MACROD2: variants seen among roughly 807,000 people sequenced by gnomAD.
MACROD2 encodes the protein mono-ADP ribosylhydrolase 2, also known as ADP-ribose glycohydrolase MACROD2.
In MACROD2, 36 loss-of-function variants were observed where a neutral mutation model predicts 70.4. That is an observed-to-expected ratio of 0.51 (90% confidence interval 0.39 to 0.68). The LOEUF (loss-of-function observed/expected upper bound fraction) is 0.68, where lower values mean the gene tolerates loss of function less well. MACROD2 is among the 30% of genes least tolerant of loss of function. The pLI, the probability that MACROD2 is intolerant of heterozygous loss-of-function variation, is 0.00. For synonymous variants in MACROD2, 172 were observed against 178.8 expected (o/e 0.96, Z 0.30); for missense variants, 496 against 538.4 (o/e 0.92, Z 0.78).
At chr20:14,425,403 G>T (rs1202035463) in intron 3 of MACROD2, among the ~76,000 whole-genome samples, 2 of 152,078 alleles carry the variant, frequency 1.3e-5, no homozygotes, top group Non-Finnish European at 2.9e-5. Flanking sequence ...ATATAGCTCT[G>T]TTCAGTGTTT....
chr20:15,506,551 C>T (rs2047428337), intron 8 of MACROD2, among the ~76,000 whole-genome samples: 1 of 152,110 alleles, frequency 6.6e-6, no homozygotes, highest in Non-Finnish European at 1.5e-5. Flanking sequence ...AATTGTTTGC[C>T]ACTTTTATTT....
At chr20:15,451,721 C>G (rs927819598) in intron 7 of MACROD2, among the ~76,000 whole-genome samples, 1 of 152,062 alleles carries the variant, frequency 6.6e-6, no homozygotes, top group Non-Finnish European at 1.5e-5. Context: ...ATCTGACAGC[C>G]GAATCTTTCA....
intron 2 of MACROD2, among the ~76,000 whole-genome samples, chr20:14,019,376 T>C (rs2053038644): frequency 6.6e-6 from 1 of 152,062 alleles, no homozygotes; most frequent in Non-Finnish European, 1.5e-5. Flanking sequence ...GGTTCAAGCG[T>C]TTCTCCTGTC....
chr20:15,673,523 T>G (rs1434350603), intron 8 of MACROD2, among the ~76,000 whole-genome samples: 2 of 152,166 alleles, frequency 1.3e-5, no homozygotes, highest in African/African-American at 4.8e-5. Flanking sequence ...CAAGAATCTC[T>G]ATTAAAAAAT....
chr20:15,264,243 A>C (rs538127159), intron 6 of MACROD2, among the ~76,000 whole-genome samples: 1 of 152,158 alleles, frequency 6.6e-6, no homozygotes, highest in African/African-American at 2.4e-5. Flanking sequence ...AAAATTTACT[A>C]TTTTGAGAAG....
chr20:14,539,634 G>A (rs2085406558), intron 4 of MACROD2, among the ~76,000 whole-genome samples: 1 of 152,112 alleles, frequency 6.6e-6, no homozygotes. Flanking sequence ...TTACTTCTAA[G>A]TTTCCCTAGG....
At chr20:15,175,350 G>A (rs1425414752) in intron 5 of MACROD2, among the ~76,000 whole-genome samples, 1 of 151,556 alleles carries the variant, frequency 6.6e-6, no homozygotes, top group Non-Finnish European at 1.5e-5. Flanking sequence ...AATGGGTGCA[G>A]CACACCAGCA....
rs1413370599 is a variant in MACROD2 at position 15,816,365 on chromosome 20, AC to A, written c.646-46379del. Among the ~76,000 whole-genome samples, 8 of 152,230 alleles carry A rather than the reference AC, an allele frequency of 5.3e-5. 1 individual carries two copies. The East Asian group carries it at 1.5e-3, about 29-fold the overall frequency. On this transcript the variant is annotated intron_variant, in intron 8 of 17. Transcript: ENST00000684519. ...AACCCCCAAATTGTACTGGAATCAG[AC>A]TTTTTCATTAATTCATGCAAACCAG... is the stretch of plus-strand genomic sequence containing the variant.
chr20:14,862,100 T>A (rs1405389799), intron 5 of MACROD2, among the ~76,000 whole-genome samples: 1 of 4,786 alleles, frequency 2.1e-4, no homozygotes, highest in African/African-American at 1.4e-3. Flanking sequence ...TAAATATATA[T>A]TTATACATAA....
At chr20:14,160,355 CT>C (rs1385987052) in intron 3 of MACROD2, among the ~76,000 whole-genome samples, 2 of 152,114 alleles carry the variant, frequency 1.3e-5, no homozygotes, top group Non-Finnish European at 2.9e-5. Context: ...TGGTCCCGGA[CT>C]TTTCTTTGTT....
At chr20:15,543,806 C>A (rs1433378900) in intron 8 of MACROD2, among the ~76,000 whole-genome samples, 2 of 152,184 alleles carry the variant, frequency 1.3e-5, no homozygotes, top group African/African-American at 4.8e-5. Flanking sequence ...CTAGGTCTGG[C>A]CAGGCCAACT....
At chr20:15,237,948 A>G (rs2077028546) in intron 6 of MACROD2, among the ~76,000 whole-genome samples, 1 of 152,204 alleles carries the variant, frequency 6.6e-6, no homozygotes, top group Non-Finnish European at 1.5e-5. Flanking sequence ...GATGCTGTGG[A>G]TGGGCATGTG....
chr20:15,004,220 C>A (rs1010252118), intron 5 of MACROD2, among the ~76,000 whole-genome samples: 5 of 152,166 alleles, frequency 3.3e-5, no homozygotes, highest in Non-Finnish European at 2.9e-5. Context: ...ATGCAGCAGG[C>A]AGTTACACTT....
chr20:14,472,084 A>G (rs1434604215), intron 3 of MACROD2, among the ~76,000 whole-genome samples: 1 of 152,164 alleles, frequency 6.6e-6, no homozygotes, highest in Admixed American at 6.5e-5. Context: ...GGGAGTTTCA[A>G]CAAATTTTAA....
intron 3 of MACROD2, among the ~76,000 whole-genome samples, chr20:14,468,813 A>G (rs550370153): frequency 3.4e-4 from 51 of 151,956 alleles, no homozygotes; most frequent in Non-Finnish European, 6.6e-4. Context: ...CCCAGCCTCT[A>G]TGTGTGTCAT....
intron 8 of MACROD2, among the ~76,000 whole-genome samples, chr20:15,655,597 G>A (rs1033561231): frequency 2.6e-5 from 4 of 152,136 alleles, no homozygotes; most frequent in South Asian, 2.1e-4. Flanking sequence ...GTAACATTAC[G>A]CCACCTACCA....
chr20:14,176,686 T>C (rs948340108), intron 3 of MACROD2, among the ~76,000 whole-genome samples: 2 of 152,222 alleles, frequency 1.3e-5, no homozygotes, highest in Admixed American at 6.5e-5. Flanking sequence ...CTTTTAATTA[T>C]GTTTTAAATA....
chr20:15,967,755 A>G, intron 13 of MACROD2, 125 bp downstream of exon 13: 2 of 727,092 alleles, frequency 2.8e-6, no homozygotes, highest in Non-Finnish European at 4.3e-6. Context: ...ACACTTTATT[A>G]GCACTGAATA....
At chr20:15,719,372 T>A (rs1458172256) in intron 8 of MACROD2, among the ~76,000 whole-genome samples, 1 of 152,200 alleles carries the variant, frequency 6.6e-6, no homozygotes, top group Non-Finnish European at 1.5e-5. Context: ...GCTGTCATAG[T>A]TGTGAGTGAA....
Sources: allele counts gnomAD v4.1 joint callset (sites outside exome capture counted in the v4.1 genomes callset), GRCh38; gene constraint gnomAD v4.1.1; transcripts MANE v1.5; gene names NCBI Gene and HGNC (gene_info 2026-07-23, HGNC 2026-07-21).